The following SPOCK3 variants were observed in gnomAD, a reference collection of about 807,000 sequenced individuals.
SPOCK3 encodes the protein testican-3.
A neutral mutation model predicts 56.6 loss-of-function variants in SPOCK3; 30 were observed. The ratio of observed to expected loss-of-function variants is 0.53; its 90% confidence interval spans 0.40 to 0.72. SPOCK3 has a LOEUF of 0.72. Among genes scored for constraint, SPOCK3 ranks in the 30% least tolerant of loss-of-function variants. The pLI is 0.00. For synonymous variants in SPOCK3, 196 were observed against 183.3 expected (o/e 1.07, Z -0.56); for missense variants, 527 against 530.0 (o/e 0.99, Z 0.06).
In SPOCK3 at chr4:166,864,988, A is replaced by C. The variant is rs528883871; in HGVS notation, c.589+24142T>G. Among the ~76,000 whole-genome samples the C allele has an allele frequency of 3.4e-3, 515 of 152,240 alleles. 5 individuals carry two copies. The highest frequency in any genetic ancestry group is 2.2e-3 in the Non-Finnish European group (151 of 68,022). ...TGGCAGACACATAACAAAAAAAGAA[A>C]ATTCCAGGCCAATATCCCTGATGAA... is the stretch of plus-strand genomic sequence containing the variant. On this transcript the variant is annotated intron_variant, in intron 6 of 10. Coordinates refer to ENST00000357545, the MANE Select transcript of SPOCK3 (RefSeq NM_001040159.2).
At chr4:167,223,238 T>TTATATTCATTTATAAATATATGTA in intron 2 of SPOCK3, among the ~76,000 whole-genome samples, 1 of 140,348 alleles carries the variant, frequency 7.1e-6, no homozygotes, top group African/African-American at 2.6e-5. Flanking sequence ...ATAATATATT[T>TTATATTCATTTATAAATATATGTA]TATATTCATT....
intron 7 of SPOCK3, among the ~76,000 whole-genome samples, chr4:166,766,027 A>T (rs1737990191): frequency 6.6e-6 from 1 of 152,074 alleles, no homozygotes; most frequent in Non-Finnish European, 1.5e-5. Flanking sequence ...TGGTTTTTGC[A>T]CATTGATTTT....
At chr4:167,021,362 T>TA (rs1244132762) in intron 3 of SPOCK3, among the ~76,000 whole-genome samples, 2 of 151,954 alleles carry the variant, frequency 1.3e-5, no homozygotes, top group South Asian at 2.1e-4. Flanking sequence ...AGTCCTGAAG[T>TA]AAAAAAATTG....
chr4:166,745,559 A>G (rs1315448394), intron 8 of SPOCK3, among the ~76,000 whole-genome samples: 2 of 152,198 alleles, frequency 1.3e-5, no homozygotes, highest in African/African-American at 4.8e-5. Flanking sequence ...GACCATTGAC[A>G]CTAGGAAGAA....
chr4:167,090,793 G>A (rs1023579797), intron 2 of SPOCK3, among the ~76,000 whole-genome samples: 1 of 152,020 alleles, frequency 6.6e-6, no homozygotes, highest in Non-Finnish European at 1.5e-5. Context: ...ATGAGCCACC[G>A]AGCTCAGCTG....
intron 2 of SPOCK3, among the ~76,000 whole-genome samples, chr4:167,132,676 G>T (rs995872651): frequency 6.6e-6 from 1 of 151,982 alleles, no homozygotes; most frequent in Non-Finnish European, 1.5e-5. Context: ...TCAAAGCCTT[G>T]GCAGAAGCTA....
intron 7 of SPOCK3, among the ~76,000 whole-genome samples, chr4:166,784,703 C>T (rs1339778215): frequency 6.6e-6 from 1 of 152,038 alleles, no homozygotes; most frequent in Non-Finnish European, 1.5e-5. Flanking sequence ...AATGTGAAGA[C>T]AGCATGACAT....
intron 2 of SPOCK3, among the ~76,000 whole-genome samples, chr4:167,079,525 G>T (rs1757524275): frequency 6.6e-6 from 1 of 151,756 alleles, no homozygotes; most frequent in African/African-American, 2.4e-5. Context: ...AATACACCAA[G>T]AAAATAAATG....
intron 8 of SPOCK3, among the ~76,000 whole-genome samples, chr4:166,743,343 C>T (rs1008092845): frequency 6.6e-6 from 1 of 151,666 alleles, no homozygotes; most frequent in African/African-American, 2.4e-5. Flanking sequence ...TCAAAATATT[C>T]AATTATGAAA....
chr4:167,123,201 T>C (rs1762001943), intron 2 of SPOCK3, among the ~76,000 whole-genome samples: 1 of 152,020 alleles, frequency 6.6e-6, no homozygotes, highest in African/African-American at 2.4e-5. Context: ...AAAGTATATT[T>C]CAATACAATG....
At chr4:166,843,719 T>G (rs1747755585) in intron 6 of SPOCK3, among the ~76,000 whole-genome samples, 1 of 152,198 alleles carries the variant, frequency 6.6e-6, no homozygotes, top group Admixed American at 6.5e-5. Flanking sequence ...TGTGATGTAC[T>G]AAATGCAAGT....
At chr4:167,092,302 G>GT (rs2150311401) in intron 2 of SPOCK3, among the ~76,000 whole-genome samples, 1 of 152,230 alleles carries the variant, frequency 6.6e-6, no homozygotes, top group Non-Finnish European at 1.5e-5. Flanking sequence ...TTCCCCATTA[G>GT]TATCACAAAC....
At chr4:167,125,177 T>C (rs1427046955) in intron 2 of SPOCK3, among the ~76,000 whole-genome samples, 1 of 150,566 alleles carries the variant, frequency 6.6e-6, no homozygotes, top group Non-Finnish European at 1.5e-5. Context: ...GTTCTTTGTA[T>C]GAGCACAGAG....
At chr4:166,989,927 G>C (rs574657269) in intron 4 of SPOCK3, among the ~76,000 whole-genome samples, 11 of 152,210 alleles carry the variant, frequency 7.2e-5, no homozygotes, top group South Asian at 6.2e-4. Flanking sequence ...CCATCCCTTA[G>C]ATCTCAGAAT....
chr4:167,089,051 G>C (rs1212531680), intron 2 of SPOCK3, among the ~76,000 whole-genome samples: 1 of 152,028 alleles, frequency 6.6e-6, no homozygotes, highest in African/African-American at 2.4e-5. Context: ...TATTGAAACT[G>C]CACTTAGTTA....
chr4:167,067,471 T>A lies in SPOCK3; in HGVS notation c.190-4934A>T, dbSNP rs118031950. Among the ~76,000 whole-genome samples, 5 of 151,994 alleles carry A rather than the reference T, an allele frequency of 3.3e-5. No individual in the cohort carries two copies. The East Asian group carries it at 5.8e-4, about 18-fold the overall frequency. ...CAAAGTGATGATTATCAATGGTAAC[T>A]ATTTTTGTTACTCTATGCCCATATT... On this transcript the variant is annotated intron_variant, in intron 2 of 10. Transcript: ENST00000357545.
intron 2 of SPOCK3, among the ~76,000 whole-genome samples, chr4:167,163,170 T>C (rs914477892): frequency 2.0e-5 from 3 of 149,882 alleles, no homozygotes; most frequent in African/African-American, 7.3e-5. Context: ...TGGGGGATTT[T>C]TTTTTTTTTT....
intron 4 of SPOCK3, among the ~76,000 whole-genome samples, chr4:166,935,881 G>T (rs1740344301): frequency 6.6e-6 from 1 of 152,128 alleles, no homozygotes; most frequent in African/African-American, 2.4e-5. Context: ...AACAACATTT[G>T]CCTAAAGGTT....
intron 4 of SPOCK3, among the ~76,000 whole-genome samples, chr4:166,949,216 G>C (rs1257052382): frequency 6.6e-6 from 1 of 152,050 alleles, no homozygotes; most frequent in East Asian, 1.9e-4. Flanking sequence ...GCACTTCTCT[G>C]TATTGGTTAT....
Sources: allele counts gnomAD v4.1 joint callset (sites outside exome capture counted in the v4.1 genomes callset), GRCh38; gene constraint gnomAD v4.1.1; transcripts MANE v1.5; gene names NCBI Gene and HGNC (gene_info 2026-07-23, HGNC 2026-07-21).